The following PIK3CD variants were observed in gnomAD, a reference collection of about 807,000 sequenced individuals.
PIK3CD encodes the protein phosphatidylinositol-4,5-bisphosphate 3-kinase catalytic subunit delta, also known as phosphatidylinositol 4,5-bisphosphate 3-kinase catalytic subunit delta isoform.
In PIK3CD, 20 loss-of-function variants were observed where a neutral mutation model predicts 122.9. That is an observed-to-expected ratio of 0.16 (90% CI 0.11 to 0.24). The LOEUF is 0.24. Ranked by LOEUF, PIK3CD falls within the 10% of genes least tolerant of loss-of-function variation. The probability of loss-of-function intolerance (pLI) is 1.00; values close to 1 mark genes in which losing one functional copy is unlikely to be tolerated. For missense variants in PIK3CD, 787 were observed against 1,406.3 expected (o/e 0.56, Z 7.04); for synonymous variants, 596 against 593.4 (o/e 1.00, Z -0.06).
chr1:9,701,040 G>A (rs547622992), intron 2 of PIK3CD, among the ~76,000 whole-genome samples: 8 of 151,958 alleles, frequency 5.3e-5, no homozygotes, highest in South Asian at 4.2e-4. Flanking sequence ...CTTCCACACC[G>A]CAGCCAGCAG....
At chr1:9,651,670 G>A (rs1349684902), upstream of PIK3CD, 1 of 152,040 alleles carries the variant, frequency 6.6e-6, no homozygotes, top group Non-Finnish European at 1.5e-5. Flanking sequence ...GGGAAGTGGA[G>A]TGTGCGGGTT....
intron 1 of PIK3CD, among the ~76,000 whole-genome samples, chr1:9,691,124 G>GAACCCAGGCTTGGCTCAGATCAATTACTT: frequency 6.6e-6 from 1 of 152,176 alleles, no homozygotes; most frequent in Non-Finnish European, 1.5e-5. Context: ...AATGGAACTC[G>GAACCCAGGCTTGGCTCAGATCAATTACTT]AACCCAGGCT....
Position 9,718,897 on chromosome 1 carries a change from G to A in PIK3CD, c.1224G>A (p.Lys408=), listed in dbSNP as rs573113022. ...IEKAKKARST[K]KKSKKADCPI... is the part of the protein sequence containing the mutation. The stretch of plus-strand genomic sequence containing the variant: ...AAGCCAAGAAGGCTCGCTCCACCAA[G>A]AAGAAGTCCAAGAAGGCGGTGGGTC... The change falls in exon 9 of 24, where the codon AAG becomes AAA. Residue 408 remains lysine, a synonymous_variant. Coordinates refer to ENST00000377346, the MANE Select transcript of PIK3CD (RefSeq NM_005026.5). This position sits in a 1 kb window ranked among gnomAD's most constrained non-coding sequence, Gnocchi z 7.2. 9.3e-6 allele frequency: 15 copies of A among 1,612,844 alleles called. No individual in the cohort carries two copies. Among genetic ancestry groups the A allele is most frequent in the South Asian group, 4.4e-5 (4 of 91,082 alleles).
chr1:9,677,819 T>C (rs1323046773), intron 1 of PIK3CD, among the ~76,000 whole-genome samples: 1 of 151,948 alleles, frequency 6.6e-6, no homozygotes, highest in Non-Finnish European at 1.5e-5. Flanking sequence ...AGTTAGTTAT[T>C]AAAAGTTTAT....
intron 1 of PIK3CD, among the ~76,000 whole-genome samples, chr1:9,665,823 C>A (rs1368559422): frequency 6.6e-6 from 1 of 151,632 alleles, no homozygotes; most frequent in Non-Finnish European, 1.5e-5. Flanking sequence ...GTGCGATCTC[C>A]ACTCACTGCG....
intron 1 of PIK3CD, among the ~76,000 whole-genome samples, chr1:9,669,784 T>C (rs926954646): frequency 7.9e-5 from 12 of 152,110 alleles, no homozygotes; most frequent in Admixed American, 7.2e-4. Flanking sequence ...CATCAGGATA[T>C]TGGTCTCAAA....
At position 9,722,187 on chromosome 1, in the gene PIK3CD, A is replaced by C. The variant is rs1235928608; in HGVS notation, c.2234+34A>C. 1 of 1,611,616 alleles carries C rather than the reference A, an allele frequency of 6.2e-7. No individual in the cohort carries two copies. Among genetic ancestry groups the C allele is most frequent in the Admixed American group, 1.7e-5 (1 of 59,844 alleles). The stretch of plus-strand genomic sequence containing the variant: ...AAGCCCCGCCACAAGGGTTCCTCCC[A>C]CCCCTGGGAGGCCGGTAGAGGAGCC... On this transcript the variant is annotated intron_variant, in intron 17 of 23. Coordinates refer to ENST00000377346, the MANE Select transcript of PIK3CD (RefSeq NM_005026.5). The surrounding 1 kb of genome is among the most constrained non-coding windows in gnomAD (Gnocchi z 7.6).
At chr1:9,714,488 T>A (rs567633447) in intron 3 of PIK3CD, among the ~76,000 whole-genome samples, 76 of 152,270 alleles carry the variant, frequency 5.0e-4, no homozygotes, top group Middle Eastern at 3.4e-3. Flanking sequence ...TTAATTGATA[T>A]GTTTATTAGG....
the PIK3CD span, among the ~76,000 whole-genome samples, chr1:9,631,047 G>A: frequency 1.3e-5 from 2 of 152,164 alleles, no homozygotes; most frequent in African/African-American, 4.8e-5. Context: ...AAGCAGGAAA[G>A]GGGACTGACT....
chr1:9,677,075 G>A (rs957684016), intron 1 of PIK3CD, among the ~76,000 whole-genome samples: 6 of 152,184 alleles, frequency 3.9e-5, no homozygotes, highest in African/African-American at 1.4e-4. Context: ...GTTGTCTGCA[G>A]ATCTCACGAG....
Position 9,718,573 on chromosome 1 carries a change from G to A in PIK3CD, c.1021-121G>A, listed in dbSNP as rs141192611. ...TCCCTGTGCTGCACCACCTTCCTTCGTGTGGGAAGTAGAGTTCAGACCCAC... is the reference window on the plus strand; with the variant it reads ...TCCCTGTGCTGCACCACCTTCCTTCATGTGGGAAGTAGAGTTCAGACCCAC... On this transcript the variant is annotated intron_variant, in intron 8 of 23. Coordinates refer to ENST00000377346, the MANE Select transcript of PIK3CD (RefSeq NM_005026.5). This position sits in a 1 kb window ranked among gnomAD's most constrained non-coding sequence, Gnocchi z 7.2. 111 of 921,862 alleles carry A rather than the reference G, an allele frequency of 1.2e-4. No individual in the cohort carries two copies. Among genetic ancestry groups the A allele is most frequent in the East Asian group, 8.1e-4 (31 of 38,494 alleles). The allele number at this position is 921,862 out of a possible 1,614,324, so 57.1% of individuals were successfully genotyped here.
At chr1:9,685,134 C>T (rs1304229395) in intron 1 of PIK3CD, among the ~76,000 whole-genome samples, 1 of 152,070 alleles carries the variant, frequency 6.6e-6, no homozygotes, top group Non-Finnish European at 1.5e-5. Context: ...GTAAGGATGG[C>T]AGGAGAGCAT....
chr1:9,710,300 A>C lies in PIK3CD; in HGVS notation c.-32-124A>C. 2.5e-6 allele frequency: 2 copies of C among 805,208 alleles called. No individual in the cohort carries two copies. The highest frequency in any genetic ancestry group is 4.3e-6 in the Non-Finnish European group (2 of 466,662). 49.9% of individuals were successfully genotyped at this position (805,208 alleles called of 1,614,324 possible). A position where few individuals can be genotyped will look rare whatever the true frequency, so the allele number is the denominator to read the frequency against. On this transcript the variant is annotated intron_variant, in intron 2 of 23. Transcript: ENST00000377346. The surrounding 1 kb of genome is among the most constrained non-coding windows in gnomAD (Gnocchi z 4.7). ...AGGGAGGTGAGCTTTTTGTACCCGCAGGTCGGGAACTCACTCCTGAGCTTC... is the reference window on the plus strand; with the variant it reads ...AGGGAGGTGAGCTTTTTGTACCCGCCGGTCGGGAACTCACTCCTGAGCTTC...
intron 1 of PIK3CD, among the ~76,000 whole-genome samples, chr1:9,682,560 G>A (rs888472058): frequency 6.7e-6 from 1 of 149,594 alleles, no homozygotes; most frequent in Non-Finnish European, 1.5e-5. Context: ...TATTTATTTC[G>A]AGACGGAGTC....
At chr1:9,643,175 A>G in the PIK3CD span, among the ~76,000 whole-genome samples, 1 of 151,970 alleles carries the variant, frequency 6.6e-6, no homozygotes, top group Admixed American at 6.6e-5. Context: ...TTGGGAGGCC[A>G]AGACAGGTGG....
intron 1 of PIK3CD, among the ~76,000 whole-genome samples, chr1:9,673,168 G>A (rs1398202634): frequency 2.7e-5 from 4 of 150,768 alleles, no homozygotes; most frequent in Non-Finnish European, 5.9e-5. Context: ...GTTCACTCAC[G>A]GTTTTCTGCA....
At chr1:9,677,699 C>T (rs1316299028) in intron 1 of PIK3CD, among the ~76,000 whole-genome samples, 2 of 151,412 alleles carry the variant, frequency 1.3e-5, no homozygotes, top group East Asian at 1.9e-4. Context: ...AATTATAGGC[C>T]GTGATCTTCC....
chr1:9,699,634 T>C (rs1383741452), intron 2 of PIK3CD, among the ~76,000 whole-genome samples: 4 of 152,008 alleles, frequency 2.6e-5, no homozygotes, highest in Admixed American at 6.6e-5. Context: ...TTCACTCTTA[T>C]TGTCCAGGCC....
Position 9,721,873 on chromosome 1 carries a change from G to C in PIK3CD, c.2055+13G>C, listed in dbSNP as rs754696533. ...GCTGATGAAGCAGGTGAGGCCCAAG[G>C]CCCTGGGGGGCGGGCAGGGGGCGGC... On this transcript the variant is annotated intron_variant, in intron 16 of 23. Transcript: ENST00000377346. 6.2e-7 allele frequency: 1 copy of C among 1,612,768 alleles called. No homozygotes were observed. Among genetic ancestry groups the C allele is most frequent in the Admixed American group, 1.7e-5 (1 of 60,004 alleles).
Sources: allele counts gnomAD v4.1 joint callset (sites outside exome capture counted in the v4.1 genomes callset), GRCh38; gene constraint gnomAD v4.1.1; non-coding constraint Gnocchi (gnomAD v3.1); transcripts MANE v1.5; gene names NCBI Gene and HGNC (gene_info 2026-07-23, HGNC 2026-07-21).